The following NEURL4 variants were observed in gnomAD, a reference collection of about 807,000 sequenced individuals.
The protein encoded by NEURL4 is neuralized-like protein 4.
A neutral mutation model predicts 148.0 loss-of-function variants in NEURL4; 45 were observed. That is an observed-to-expected ratio of 0.30 (90% confidence interval 0.24 to 0.39). NEURL4 has a LOEUF of 0.39. Among genes scored for constraint, NEURL4 ranks in the 10% least tolerant of loss-of-function variants. The pLI, the probability that NEURL4 is intolerant of heterozygous loss-of-function variation, is 1.00. For synonymous variants in NEURL4, 854 were observed against 869.0 expected (o/e 0.98, Z 0.30); for missense variants, 1,776 against 2,144.0 (o/e 0.83, Z 3.39).
rs767194830 is a variant in NEURL4 at position 7,318,599 on chromosome 17, C to T, written c.3760G>A (p.Gly1254Arg). ...TILGLRLDSS[G>R]GLHLHVNGVD... is the part of the protein sequence containing the mutation. ...CCATTAACATGAAGATGCAGCCCCC[C>T]AGAGCTGTCCAGCCGCAGTCCCAGG... Residue 1254 changes from glycine to arginine, a missense_variant, in exon 23 of 29, where the codon GGG becomes AGG. Transcript: ENST00000399464. The surrounding 1 kb of genome is among the most constrained non-coding windows in gnomAD (Gnocchi z 4.3). 3.0e-5 allele frequency: 48 copies of T among 1,613,954 alleles called. No individual in the cohort carries two copies. The South Asian group carries it at 4.9e-4, about 17-fold the overall frequency.
Position 7,317,593 on chromosome 17 carries a change from G to C in NEURL4, c.4206-20C>G. On this transcript the variant is annotated intron_variant, in intron 26 of 28. Coordinates refer to ENST00000399464, the MANE Select transcript of NEURL4 (RefSeq NM_032442.3). Reference sequence around the variant, plus strand: ...TTCACTCTAGGAGGTGGACAAGCGGGGCAGATACAACGAAGGCCACTGACT... The same window carrying C: ...TTCACTCTAGGAGGTGGACAAGCGGCGCAGATACAACGAAGGCCACTGACT... 6.2e-7 allele frequency: 1 copy of C among 1,610,988 alleles called. No homozygotes were observed. Among genetic ancestry groups the C allele is most frequent in the Non-Finnish European group, 8.5e-7 (1 of 1,177,234 alleles).
In NEURL4 at chr17:7,324,149, A is replaced by G; in HGVS notation, c.2021T>C (p.Leu674Pro). 3 of 1,613,670 alleles carry G rather than the reference A, an allele frequency of 1.9e-6. No homozygotes were observed. The highest frequency in any genetic ancestry group is 1.7e-6 in the Non-Finnish European group (2 of 1,180,010). Residue 674 changes from leucine (L) to proline (P), a missense_variant, in exon 11 of 29, where the codon CTC becomes CCC. Leu to Pro is a moderately conservative substitution (Grantham distance 98). Coordinates refer to ENST00000399464, the MANE Select transcript of NEURL4 (RefSeq NM_032442.3). The surrounding 1 kb of genome is among the most constrained non-coding windows in gnomAD (Gnocchi z 5.9). ...GGTGGCCTGGGCCGCCTGGCCATAG[A>G]GATCGACGACAGCATAGACGCCCGG... ...VPPGVYAVVD[L>P]YGQAAQATIV...
In NEURL4 at chr17:7,319,086, C is replaced by T; in HGVS notation, c.3648G>A (p.Leu1216=). ...SACALKRAAW[L]LRGRGVFHNG... ...TGTGGAAGACCCCACGGCCCCGCAG[C>T]AGCCAGGCTGCCCGTTTGAGGGCAC... The change falls in exon 22 of 29, where the codon CTG becomes CTA. Residue 1216 remains leucine, a synonymous_variant. Transcript: ENST00000399464. The T allele has an allele frequency of 6.2e-7, 1 of 1,613,952 alleles. No individual in the cohort carries two copies. The highest frequency in any genetic ancestry group is 1.1e-5 in the South Asian group (1 of 91,072).
intron 1 of NEURL4, 152 bp downstream of exon 1, chr17:7,328,879 G>A (rs2073136894): frequency 1.6e-6 from 1 of 631,472 alleles, no homozygotes; most frequent in East Asian, 3.3e-5. Context: ...TCTGCTTCAT[G>A]CTGTCTTCCT....
Position 7,317,528 on chromosome 17 carries a change from G to A in NEURL4, c.4251C>T (p.His1417=). 1 of 1,614,198 alleles carries A rather than the reference G, an allele frequency of 6.2e-7. No individual in the cohort carries two copies. Among genetic ancestry groups the A allele is most frequent in the South Asian group, 1.1e-5 (1 of 91,084 alleles). ...LEAGTLTKKW[H]MAYHGSNVAA... is the part of the protein sequence containing the mutation. Reference sequence around the variant, plus strand: ...CAACATTGCTCCCGTGATATGCCATGTGCCACTTCTTGGTTAGTGTCCCAG... The same window carrying A: ...CAACATTGCTCCCGTGATATGCCATATGCCACTTCTTGGTTAGTGTCCCAG... The change falls in exon 27 of 29, where the codon CAC becomes CAT. Residue 1417 remains histidine (H), a synonymous_variant. Transcript: ENST00000399464.
At position 7,317,735 on chromosome 17, in the gene NEURL4, G is replaced by A. The variant is rs190102828; in HGVS notation, c.4205+53C>T. ...TTCCATGCACCCTCTTGGGATCCCC[G>A]TTTCTCCAGGGGGAAAACAGTAGGG... On this transcript the variant is annotated intron_variant, in intron 26 of 28. Transcript: ENST00000399464. 8.4e-5 allele frequency: 135 copies of A among 1,602,664 alleles called. No homozygotes were observed. In the East Asian group the frequency reaches 2.8e-3, roughly 34 times the overall value.
Position 7,327,606 on chromosome 17 carries a change from A to G in NEURL4, c.561T>C (p.Pro187=). The change falls in exon 2 of 29, where the codon CCT becomes CCC. Residue 187 remains proline, a synonymous_variant. Coordinates refer to ENST00000399464, the MANE Select transcript of NEURL4 (RefSeq NM_032442.3). The surrounding 1 kb of genome is among the most constrained non-coding windows in gnomAD (Gnocchi z 6.6). ...DCGVAATGLP[P]RVWAVVDLYG... is the part of the protein sequence containing the mutation. ...AAAGGTCCACGACGGCCCAGACACGAGGGGGCAGGCCTGTGGCAGCCACAC... is the reference window on the plus strand; with the variant it reads ...AAAGGTCCACGACGGCCCAGACACGGGGGGGCAGGCCTGTGGCAGCCACAC... 6.2e-7 allele frequency: 1 copy of G among 1,612,546 alleles called. No individual in the cohort carries two copies.
chr17:7,315,995 TCCTGCGCGGCTGCCAAGCTCCAGCA>T lies in NEURL4; in HGVS notation c.*103_*127del, dbSNP rs2072937681. ...TACATCTGAGAGCCTGCCTACATGC[TCCTGCGCGGCTGCCAAGCTCCAGCA>T]CCTGCGCATGCCACGAGTCACGGGA... On this transcript the variant is annotated 3_prime_UTR_variant, in exon 29 of 29. Transcript: ENST00000399464. 4 of 677,532 alleles carry T rather than the reference TCCTGCGCGGCTGCCAAGCTCCAGCA, an allele frequency of 5.9e-6. No homozygotes were observed. The East Asian group carries it at 7.8e-5, about 13-fold the overall frequency. The allele number at this position is 677,532 out of a possible 1,614,324, so 42.0% of individuals were successfully genotyped here. A position where few individuals can be genotyped will look rare whatever the true frequency, so the allele number is the denominator to read the frequency against.
At position 7,325,420 on chromosome 17, in the gene NEURL4, C is replaced by T. The variant is rs376204714; in HGVS notation, c.1420G>A (p.Gly474Arg). 14 of 1,612,756 alleles carry T rather than the reference C, an allele frequency of 8.7e-6. No individual in the cohort carries two copies. The highest frequency in any genetic ancestry group is 4.4e-5 in the South Asian group (4 of 91,082). ...ACGATGGTCACCTTCACTGCCATCC[C>T]GTACAAGTCCACCACACCATACACC... ...PVVYGVVDLY[G>R]MAVKVTIVHN... is the part of the protein sequence containing the mutation. The change falls in exon 8 of 29, where the codon GGG becomes AGG. Residue 474 changes from glycine (G) to arginine (R), a missense_variant. Coordinates refer to ENST00000399464, the MANE Select transcript of NEURL4 (RefSeq NM_032442.3).
In NEURL4 at chr17:7,318,739, G is replaced by T; in HGVS notation, c.3685-65C>A. ...CACCGCGGCAGCTGTCCCGCCCTTT[G>T]CTCTGCTTCCTTTTGCCAGTGCCTT... On this transcript the variant is annotated intron_variant, in intron 22 of 28. Transcript: ENST00000399464. The surrounding 1 kb of genome is among the most constrained non-coding windows in gnomAD (Gnocchi z 4.3). 6.6e-7 allele frequency: 1 copy of T among 1,505,116 alleles called. No individual in the cohort carries two copies. The highest frequency in any genetic ancestry group is 9.0e-7 in the Non-Finnish European group (1 of 1,116,934). 93.2% of individuals were successfully genotyped at this position (1,505,116 alleles called of 1,614,324 possible). A position where few individuals can be genotyped will look rare whatever the true frequency, so the allele number is the denominator to read the frequency against.
Position 7,325,394 on chromosome 17 carries a change from G to C in NEURL4, c.1446C>G (p.Val482=). The C allele has an allele frequency of 6.2e-7, 1 of 1,613,196 alleles. No homozygotes were observed. Among genetic ancestry groups the C allele is most frequent in the Non-Finnish European group, 8.5e-7 (1 of 1,180,008 alleles). The stretch of plus-strand genomic sequence containing the variant: ...GACGGTCACTGTGGTTGTTATTGTG[G>C]ACGATGGTCACCTTCACTGCCATCC... The part of the protein sequence containing the change: ...LYGMAVKVTI[V]HNNNHSDRLR... Residue 482 remains valine (V), a synonymous_variant, in exon 8 of 29, where the codon GTC becomes GTG. Coordinates refer to ENST00000399464, the MANE Select transcript of NEURL4 (RefSeq NM_032442.3).
rs1000208987 is a variant in NEURL4, at chr17:7,318,413, C to T, written c.3865-57G>A. ...GGTCAGACCCCAGGGCCTGCTGATC[C>T]CTCCCTGGAACAGAGATTTCCCCTG... On this transcript the variant is annotated intron_variant, in intron 23 of 28. Coordinates refer to ENST00000399464, the MANE Select transcript of NEURL4 (RefSeq NM_032442.3). This position sits in a 1 kb window ranked among gnomAD's most constrained non-coding sequence, Gnocchi z 4.3. 221 of 1,609,514 alleles carry T rather than the reference C, an allele frequency of 1.4e-4. No individual in the cohort carries two copies. The highest frequency in any genetic ancestry group is 1.6e-4 in the Middle Eastern group (1 of 6,068).
At chr17:7,325,145 G>GGGGGGGGGGC in intron 8 of NEURL4, 64 bp downstream of exon 8, 1 of 830,664 alleles carries the variant, frequency 1.2e-6, no homozygotes, top group Non-Finnish European at 1.8e-6. Context: ...CCACTTCCTT[G>GGGGGGGGGGC]CCCCGCCCCC....
rs751120226 is a variant in NEURL4 at position 7,324,906 on chromosome 17, C to T, written c.1706G>A (p.Arg569His). ...ALRDGEVFQV[R>H]IDKMVDKWAG... is the part of the protein sequence containing the mutation. ...CCATTTGTCCACCATCTTGTCGATG[C>T]GCACCTGGAACACCTCTCCATCCCG... The change falls in exon 9 of 29, where the codon CGC becomes CAC. Residue 569 changes from arginine (R) to histidine (H), a missense_variant. By Grantham distance (29) the Arg-to-His change is conservative. Coordinates refer to ENST00000399464, the MANE Select transcript of NEURL4 (RefSeq NM_032442.3). This position sits in a 1 kb window ranked among gnomAD's most constrained non-coding sequence, Gnocchi z 5.9. 1.1e-5 allele frequency: 18 copies of T among 1,614,038 alleles called. No individual in the cohort carries two copies. The highest frequency in any genetic ancestry group is 1.1e-5 in the South Asian group (1 of 91,084).
rs781780306 is a variant in NEURL4, at chr17:7,324,172, C to T, written c.1998G>A (p.Pro666=). 2.3e-5 allele frequency: 37 copies of T among 1,613,628 alleles called. No individual in the cohort carries two copies. Among genetic ancestry groups the T allele is most frequent in the South Asian group, 1.2e-4 (11 of 91,094 alleles). ...AGAGATCGACGACAGCATAGACGCC[C>T]GGGGGCACGTTCCAGGCAGCAGGGC... ...TQGPAAWNVP[P]GVYAVVDLYG... is the part of the protein sequence containing the mutation. The change falls in exon 11 of 29, where the codon CCG becomes CCA. Residue 666 remains proline (P), a synonymous_variant. Transcript: ENST00000399464. This position sits in a 1 kb window ranked among gnomAD's most constrained non-coding sequence, Gnocchi z 5.9.
Position 7,327,692 on chromosome 17 carries a change from C to T in NEURL4, c.475G>A (p.Val159Met), listed in dbSNP as rs758231541. 5.0e-6 allele frequency: 8 copies of T among 1,613,942 alleles called. No individual in the cohort carries two copies. The highest frequency in any genetic ancestry group is 1.7e-5 in the Admixed American group (1 of 60,014). Residue 159 changes from valine (V) to methionine (M), a missense_variant, in exon 2 of 29, where the codon GTG becomes ATG. Val to Met is a conservative substitution (Grantham distance 21). Transcript: ENST00000399464. The surrounding 1 kb of genome is among the most constrained non-coding windows in gnomAD (Gnocchi z 6.6). ...DLDQLGEGDRVGVERTVAGEL... is the reference protein window; with the variant it reads ...DLDQLGEGDRMGVERTVAGEL... ...CCAGCAACTGTGCGCTCCACGCCCA[C>T]GCGGTCCCCTTCACCAAGCTGGTCC...
chr17:7,324,375 C>T lies in NEURL4; in HGVS notation c.1899+20G>A, dbSNP rs74839010. On this transcript the variant is annotated intron_variant, in intron 10 of 28. Transcript: ENST00000399464. The surrounding 1 kb of genome is among the most constrained non-coding windows in gnomAD (Gnocchi z 5.9). ...TGTGATGCCCGCTGCGGCCGCCAGG[C>T]GGCGCACCCACTTTCCCACCTTGAG... 9,720 of 1,614,004 alleles carry T rather than the reference C, an allele frequency of 6.0e-3. 441 individuals are homozygous for T. The African/African-American group carries it at 0.1, about 17-fold the overall frequency.
chr17:7,322,311 C>T lies in NEURL4; in HGVS notation c.2726-301G>A, dbSNP rs534523799. ...TAGCTGGGACCACAGGTGCATGCCACCACACCTGCCTACATTTTGTATTTT... is the reference window on the plus strand; with the variant it reads ...TAGCTGGGACCACAGGTGCATGCCATCACACCTGCCTACATTTTGTATTTT... On this transcript the variant is annotated intron_variant, in intron 16 of 28. Transcript: ENST00000399464. The surrounding 1 kb of genome is among the most constrained non-coding windows in gnomAD (Gnocchi z 5.5). Among the ~76,000 whole-genome samples the T allele has an allele frequency of 6.6e-6, 1 of 152,142 alleles. No individual in the cohort carries two copies. Among genetic ancestry groups the T allele is most frequent in the South Asian group, 2.1e-4 (1 of 4,830 alleles).
Position 7,322,886 on chromosome 17 carries a change from T to G in NEURL4, c.2594-20A>C. The G allele has an allele frequency of 1.2e-6, 2 of 1,610,866 alleles. No homozygotes were observed. Among genetic ancestry groups the G allele is most frequent in the Non-Finnish European group, 1.7e-6 (2 of 1,177,468 alleles). On this transcript the variant is annotated intron_variant, in intron 15 of 28. Transcript: ENST00000399464. This position sits in a 1 kb window ranked among gnomAD's most constrained non-coding sequence, Gnocchi z 5.5. ...ACACCTCTGGGGAGGAGAGGGAAGGTCAGAAGCCTGACAGCCAGGTGGTCT... is the reference window on the plus strand; with the variant it reads ...ACACCTCTGGGGAGGAGAGGGAAGGGCAGAAGCCTGACAGCCAGGTGGTCT...
Sources: gnomAD v4.1 joint callset for allele counts (sites outside exome capture counted in the v4.1 genomes callset) on GRCh38, gnomAD v4.1.1 for gene constraint, Gnocchi (gnomAD v3.1) non-coding constraint, MANE v1.5 for transcripts, NCBI Gene and HGNC (gene_info 2026-07-23, HGNC 2026-07-21) for gene names.